IKZF1: variants seen among roughly 807,000 people sequenced by gnomAD.
The protein encoded by IKZF1 is IKAROS family zinc finger 1, also known as DNA-binding protein Ikaros.
IKZF1 carries 10 observed loss-of-function variants against 51.7 expected under a neutral mutation model. The observed-to-expected ratio is 0.19, with a 90% CI of 0.12 to 0.33. The LOEUF (loss-of-function observed/expected upper bound fraction) is 0.33. Among genes scored for constraint, IKZF1 ranks in the 10% least tolerant of loss-of-function variants. The pLI is 1.00. For missense variants in IKZF1, 484 were observed against 707.5 expected (o/e 0.68, Z 3.58); for synonymous variants, 280 against 282.3 (o/e 0.99, Z 0.08).
intron 3 of IKZF1, among the ~76,000 whole-genome samples, chr7:50,373,221 C>T (rs1031439088): frequency 6.6e-6 from 1 of 152,248 alleles, no homozygotes; most frequent in East Asian, 1.9e-4. Flanking sequence ...GTTCCTGAAG[C>T]CAGAAACCCA....
intron 3 of IKZF1, among the ~76,000 whole-genome samples, chr7:50,372,719 C>A (rs968911355): frequency 1.5e-4 from 23 of 152,204 alleles, no homozygotes; most frequent in African/African-American, 5.5e-4. Flanking sequence ...GACTAATCTT[C>A]TATATATGTC....
chr7:50,359,735 C>G (rs1421466704), intron 3 of IKZF1, among the ~76,000 whole-genome samples: 1 of 152,240 alleles, frequency 6.6e-6, no homozygotes, highest in East Asian at 1.9e-4. Flanking sequence ...ATTCCACGCT[C>G]CTCAGCCCCT....
At chr7:50,359,492 A>G (rs1804576968) in intron 3 of IKZF1, among the ~76,000 whole-genome samples, 1 of 152,176 alleles carries the variant, frequency 6.6e-6, no homozygotes, top group Admixed American at 6.5e-5. Context: ...AACAGTGGAG[A>G]CTGCTGCCTA....
intron 3 of IKZF1, among the ~76,000 whole-genome samples, chr7:50,334,355 C>A (rs1797075598): frequency 6.6e-6 from 1 of 151,590 alleles, no homozygotes; most frequent in African/African-American, 2.4e-5. Flanking sequence ...TGTGTGTGTG[C>A]AGGTGTCTGT....
At chr7:50,339,495 A>T (rs1798576430) in intron 3 of IKZF1, among the ~76,000 whole-genome samples, 1 of 152,144 alleles carries the variant, frequency 6.6e-6, no homozygotes, top group South Asian at 2.1e-4. Context: ...CTTACGCCGT[A>T]ATCCCAGCAC....
chr7:50,311,559 T>A (rs1382584192), intron 1 of IKZF1, among the ~76,000 whole-genome samples: 1 of 152,232 alleles, frequency 6.6e-6, no homozygotes, highest in Non-Finnish European at 1.5e-5. Context: ...ATAATTTTAC[T>A]TCTTTGGGAC....
At chr7:50,369,731 C>G in intron 3 of IKZF1, 1 of 396,500 alleles carries the variant, frequency 2.5e-6, no homozygotes, top group Non-Finnish European at 4.4e-6. Flanking sequence ...CAGTTTGTGT[C>G]CGTAGTTGCT....
At chr7:50,355,016 C>T (rs1802907946) in intron 3 of IKZF1, among the ~76,000 whole-genome samples, 1 of 152,114 alleles carries the variant, frequency 6.6e-6, no homozygotes, top group Non-Finnish European at 1.5e-5. Context: ...TAGGAAGCTT[C>T]TGAGGCAGAG....
chr7:50,319,783 A>G (rs1402342075), intron 2 of IKZF1, among the ~76,000 whole-genome samples: 1 of 152,172 alleles, frequency 6.6e-6, no homozygotes, highest in African/African-American at 2.4e-5. Context: ...GGTTTTCGGT[A>G]TTTCATATTT....
intron 3 of IKZF1, chr7:50,369,341 G>A (rs903941516): frequency 2.0e-5 from 8 of 393,214 alleles, no homozygotes; most frequent in African/African-American, 6.2e-5. Context: ...ATATGTTGAA[G>A]CAGACCCTTC....
intron 1 of IKZF1, among the ~76,000 whole-genome samples, chr7:50,309,471 CCT>C (rs769638263): frequency 2.8e-4 from 43 of 152,214 alleles, no homozygotes; most frequent in Non-Finnish European, 5.4e-4. Flanking sequence ...CCTTCCTTCC[CCT>C]CTTTCTTTCT....
chr7:50,304,825 G>C lies in IKZF1; in HGVS notation c.-112G>C, dbSNP rs1788379747. On this transcript the variant is annotated 5_prime_UTR_variant, in exon 1 of 8. Transcript: ENST00000331340. ...GGGCGGGACGCTCGGCCGCGGCGAG[G>C]CGGGCAAGCCTGGCAGGGCAGAGGG... 1 of 152,608 alleles carries C rather than the reference G, an allele frequency of 6.6e-6. No homozygotes were observed. The highest frequency in any genetic ancestry group is 6.5e-5 in the Admixed American group (1 of 15,276). 9.5% of individuals were successfully genotyped at this position (152,608 alleles called of 1,614,324 possible). A position where few individuals can be genotyped will look rare whatever the true frequency, so the allele number is the denominator to read the frequency against.
intron 3 of IKZF1, chr7:50,367,968 A>G (rs1428278772): frequency 1.5e-6 from 1 of 653,224 alleles, no homozygotes; most frequent in African/African-American, 1.8e-5. Context: ...CTCTCCTGGT[A>G]TCACAACCCA....
At chr7:50,372,630 C>T (rs1015158768) in intron 3 of IKZF1, among the ~76,000 whole-genome samples, 1 of 152,348 alleles carries the variant, frequency 6.6e-6, no homozygotes, top group Admixed American at 6.5e-5. Flanking sequence ...TAGAGCATCG[C>T]AGTGTCCTTA....
intron 6 of IKZF1, among the ~76,000 whole-genome samples, chr7:50,387,791 C>CA (rs199671387): frequency 2.0e-4 from 30 of 150,936 alleles, no homozygotes; most frequent in Admixed American, 5.3e-4. Context: ...AAAACAACAA[C>CA]AAAAAAAACA....
intron 4 of IKZF1, chr7:50,377,207 G>GAAAAAAAAAA (rs1810528267): frequency 5.7e-6 from 1 of 175,068 alleles, no homozygotes; most frequent in Non-Finnish European, 1.2e-5. Context: ...TGAGTAAAAT[G>GAAAAAAAAAA]TGTGTTTAAA....
chr7:50,347,655 G>A (rs1044232543), intron 3 of IKZF1, among the ~76,000 whole-genome samples: 4 of 152,004 alleles, frequency 2.6e-5, no homozygotes, highest in Non-Finnish European at 4.4e-5. Context: ...ATTGAATTTC[G>A]TTTTTATTTT....
At chr7:50,311,171 A>T (rs891970816) in intron 1 of IKZF1, among the ~76,000 whole-genome samples, 4 of 152,208 alleles carry the variant, frequency 2.6e-5, no homozygotes, top group African/African-American at 4.8e-5. Context: ...CCTTAGTTTG[A>T]AGACACCCAT....
rs771174083 is a variant in IKZF1, at chr7:50,387,486, C to G, written c.715+16C>G. On this transcript the variant is annotated intron_variant, in intron 6 of 7. Coordinates refer to ENST00000331340, the MANE Select transcript of IKZF1 (RefSeq NM_006060.6). The stretch of plus-strand genomic sequence containing the variant: ...CTGTACCCAGGTAAGCGCTGCTGCT[C>G]GGAGGCCAGCCTGGTGGGCTCTCCC... 6.3e-7 allele frequency: 1 copy of G among 1,599,808 alleles called. No homozygotes were observed. The highest frequency in any genetic ancestry group is 1.7e-5 in the Admixed American group (1 of 57,980).
Sources: allele counts gnomAD v4.1 joint callset (sites outside exome capture counted in the v4.1 genomes callset), GRCh38; gene constraint gnomAD v4.1.1; transcripts MANE v1.5; gene names NCBI Gene and HGNC (gene_info 2026-07-23, HGNC 2026-07-21).